Variants in IFT74 observed in about 807,000 individuals in gnomAD.
IFT74 encodes the protein intraflagellar transport 74.
IFT74 carries 92 observed loss-of-function variants against 96.7 expected under a neutral mutation model. The ratio of observed to expected loss-of-function variants is 0.95; its 90% confidence interval spans 0.80 to 1.13. The LOEUF is 1.13. Among genes scored for constraint, IFT74 ranks in the 50% most tolerant of loss-of-function variants. The pLI is 0.00. For missense variants in IFT74, 811 were observed against 698.2 expected, an observed-to-expected ratio of 1.16 and a Z score of -1.82; for synonymous variants, 223 against 213.2, an observed-to-expected ratio of 1.05 and a Z score of -0.40.
intron 1 of IFT74, among the ~76,000 whole-genome samples, chr9:26,948,793 T>A (rs772883899): frequency 6.6e-6 from 1 of 152,112 alleles, no homozygotes; most frequent in Non-Finnish European, 1.5e-5. Context: ...CAGCATTACA[T>A]AGGGCCTTTC....
rs1056125920 is a variant in IFT74 at position 27,016,970 on chromosome 9, G to T, written c.853G>T (p.Glu285Ter). 1.9e-6 allele frequency: 3 copies of T among 1,611,306 alleles called. No homozygotes were observed. The highest frequency in any genetic ancestry group is 2.2e-5 in the East Asian group (1 of 44,752). ...GCTGCATGAAAAACTTTATGAGTTG[G>T]AGTCCCATCGAGATCAAATGATTGC... ...VLLHEKLYELESHRDQMIAED... is the reference protein window; with the variant it reads ...VLLHEKLYEL Residue 285 changes from glutamate (E) to a stop codon, truncating the protein, a stop_gained, in exon 11 of 20, where the codon GAG becomes TAG. Transcript: ENST00000380062. LOFTEE classifies it high-confidence loss of function.
rs10668267 is a variant in IFT74 at position 27,061,677 on chromosome 9, G to GTATATATATATATA, written c.1685-935_1685-922dup. Among the ~76,000 whole-genome samples the GTATATATATATATA allele has an allele frequency of 3.2e-3, 460 of 143,080 alleles. 1 individual carries two copies. The highest frequency in any genetic ancestry group is 0.029 in the East Asian group (137 of 4,694). 93.9% of individuals were successfully genotyped at this position (143,080 alleles called of 152,430 possible). A position where few individuals can be genotyped will look rare whatever the true frequency, so the allele number is the denominator to read the frequency against. ...ACCATATAGTTATATATATCCACAA[G>GTATATATATATATA]TATATATATATATATATATGTACAT... On this transcript the variant is annotated intron_variant, in intron 19 of 19. Transcript: ENST00000380062.
At chr9:27,032,364 TG>T (rs1281750612) in intron 13 of IFT74, among the ~76,000 whole-genome samples, 3 of 152,210 alleles carry the variant, frequency 2.0e-5, no homozygotes, top group Non-Finnish European at 4.4e-5. Context: ...TAGATGTGCA[TG>T]TTCAACGTGC....
chr9:27,013,063 G>C (rs1829182631), intron 10 of IFT74, among the ~76,000 whole-genome samples: 1 of 152,100 alleles, frequency 6.6e-6, no homozygotes, highest in Non-Finnish European at 1.5e-5. Context: ...CTACTGGAAA[G>C]ACATTTATCA....
At chr9:27,014,716 TCTC>T (rs1483540277) in intron 10 of IFT74, among the ~76,000 whole-genome samples, 1 of 152,136 alleles carries the variant, frequency 6.6e-6, no homozygotes, top group Non-Finnish European at 1.5e-5. Context: ...TTCAAGCAAT[TCTC>T]CTGCCTCAGC....
At chr9:26,996,227 T>C (rs1828148487) in intron 8 of IFT74, 1 of 850,384 alleles carries the variant, frequency 1.2e-6, no homozygotes, top group Admixed American at 3.2e-5. Context: ...ACATTTTTTA[T>C]ACAAATTTAA....
intron 8 of IFT74, chr9:26,995,756 C>T (rs200569334): frequency 6.2e-7 from 1 of 1,613,736 alleles, no homozygotes; most frequent in Admixed American, 1.7e-5. Flanking sequence ...CCATATTGGG[C>T]ATTTGATAGC....
At chr9:27,001,191 T>A (rs73436047) in intron 8 of IFT74, among the ~76,000 whole-genome samples, 15,864 of 152,238 alleles carry the variant, frequency 0.1, 1,072 homozygotes, top group South Asian at 0.26. Context: ...TACTTTTTTT[T>A]AATCCATTCA....
chr9:27,052,879 G>T (rs1367672336), intron 16 of IFT74, among the ~76,000 whole-genome samples: 3 of 151,594 alleles, frequency 2.0e-5, no homozygotes, highest in Non-Finnish European at 4.4e-5. Flanking sequence ...TGTTGTTGTT[G>T]TTTGAGACGG....
chr9:26,972,762 G>T (rs942032094), intron 2 of IFT74, among the ~76,000 whole-genome samples: 1 of 152,052 alleles, frequency 6.6e-6, no homozygotes, highest in African/African-American at 2.4e-5. Flanking sequence ...CAATCCATTC[G>T]GGCCTTATTC....
intron 16 of IFT74, among the ~76,000 whole-genome samples, chr9:27,054,681 C>CA (rs1820081953): frequency 6.6e-6 from 1 of 152,186 alleles, no homozygotes; most frequent in Non-Finnish European, 1.5e-5. Context: ...CATTTGTGGG[C>CA]ATGTGCAGAC....
At chr9:27,042,199 A>C (rs1819512981) in intron 13 of IFT74, among the ~76,000 whole-genome samples, 2 of 152,314 alleles carry the variant, frequency 1.3e-5, no homozygotes, top group South Asian at 4.1e-4. Flanking sequence ...TAGATTAAAG[A>C]ATCTAAAACT....
chr9:26,962,249 G>A (rs1826399479), intron 2 of IFT74, among the ~76,000 whole-genome samples, 162 bp downstream of exon 2: 1 of 152,136 alleles, frequency 6.6e-6, no homozygotes, highest in African/African-American at 2.4e-5. Context: ...TGCATATATT[G>A]TGGTAGAAGT....
At chr9:27,024,159 G>T (rs1181888708) in intron 12 of IFT74, among the ~76,000 whole-genome samples, 1 of 152,130 alleles carries the variant, frequency 6.6e-6, no homozygotes, top group Non-Finnish European at 1.5e-5. Context: ...CTAACCAGAG[G>T]CCCTGACTCT....
At position 27,012,708 on chromosome 9, in the gene IFT74, G is replaced by GTTTTTTT. The variant is rs772920018; in HGVS notation, c.789+761_789+767dup. 5.3e-3 allele frequency among the ~76,000 whole-genome samples: 286 copies of GTTTTTTT among 53,870 alleles called. 68 individuals carry two copies. The East Asian group carries it at 0.075, about 14-fold the overall frequency. The allele number at this position is 53,870 out of a possible 152,430, so 35.3% of individuals were successfully genotyped here. ...GAACAAGAGGAAAGTAAAAATGTCT[G>GTTTTTTT]TTTTTTTTTTTTTTTTTTTTTTTTT... On this transcript the variant is annotated intron_variant, in intron 10 of 19. Transcript: ENST00000380062.
intron 16 of IFT74, among the ~76,000 whole-genome samples, chr9:27,049,414 C>T (rs900711414): frequency 3.3e-5 from 5 of 152,084 alleles, no homozygotes; most frequent in African/African-American, 1.2e-4. Flanking sequence ...CTGGCAGGCA[C>T]TTTAAGTGGG....
chr9:26,989,538 G>A (rs549730890), intron 7 of IFT74, among the ~76,000 whole-genome samples: 8 of 152,138 alleles, frequency 5.3e-5, no homozygotes, highest in Non-Finnish European at 8.8e-5. Context: ...TGAAGACATA[G>A]GATTGATAAA....
chr9:27,028,669 T>C lies in IFT74; in HGVS notation c.975-356T>C, dbSNP rs141006507. ...TATTCGGGAGGCTGAGGCAGGAGAA[T>C]CGCTTTTTCCCGGGAGGCAGAGATT... On this transcript the variant is annotated intron_variant, in intron 12 of 19. Transcript: ENST00000380062. 1,253 of 161,734 alleles carry C rather than the reference T, an allele frequency of 7.7e-3. 16 individuals carry two copies. The highest frequency in any genetic ancestry group is 0.028 in the African/African-American group (1,164 of 41,494). 10.0% of individuals were successfully genotyped at this position (161,734 alleles called of 1,614,324 possible).
chr9:26,962,155 T>G, intron 2 of IFT74, 68 bp downstream of exon 2: 3 of 1,522,406 alleles, frequency 2.0e-6, no homozygotes, highest in Non-Finnish European at 2.7e-6. Flanking sequence ...TCCAGGAGAC[T>G]GGGGCTTCAG....
Sources: gnomAD v4.1 joint callset for allele counts (sites outside exome capture counted in the v4.1 genomes callset) on GRCh38, gnomAD v4.1.1 for gene constraint, MANE v1.5 for transcripts, NCBI Gene and HGNC (gene_info 2026-07-23, HGNC 2026-07-21) for gene names.